The following CNTNAP3 variants were observed in gnomAD, a reference collection of about 807,000 sequenced individuals.
CNTNAP3 encodes the protein contactin-associated protein-like 3.
CNTNAP3 carries 36 observed loss-of-function variants against 92.1 expected under a neutral mutation model. The observed-to-expected ratio is 0.39, with a 90% CI of 0.30 to 0.52. The LOEUF (loss-of-function observed/expected upper bound fraction) is 0.52, where lower values mean the gene tolerates loss of function less well. CNTNAP3 is among the 20% of genes least tolerant of loss of function. The probability of loss-of-function intolerance (pLI) is 0.76; values close to 1 mark genes in which losing one functional copy is unlikely to be tolerated. For synonymous variants in CNTNAP3, 232 were observed against 422.3 expected, an observed-to-expected ratio of 0.55 and a Z score of 5.53; for missense variants, 534 against 1,069.6, an observed-to-expected ratio of 0.50 and a Z score of 6.98.
chr9:39,097,835 G>A (rs1335682069), intron 18 of CNTNAP3, among the ~76,000 whole-genome samples: 1 of 149,516 alleles, frequency 6.7e-6, no homozygotes, highest in African/African-American at 2.5e-5. Context: ...TTCATTTGAT[G>A]TATTTCCTTA....
At chr9:39,101,313 T>C (rs10974140) in intron 17 of CNTNAP3, among the ~76,000 whole-genome samples, 2 of 152,044 alleles carry the variant, frequency 1.3e-5, no homozygotes, top group Non-Finnish European at 1.5e-5. Context: ...TATCTACCCT[T>C]CCCTGTAAAT....
chr9:39,127,105 A>T (rs1212680468), intron 13 of CNTNAP3, among the ~76,000 whole-genome samples: 1 of 152,118 alleles, frequency 6.6e-6, no homozygotes, highest in Non-Finnish European at 1.5e-5. Flanking sequence ...TACCAGAAAG[A>T]GAAAAAGAAA....
chr9:39,102,970 A>G (rs1329056509), intron 16 of CNTNAP3, among the ~76,000 whole-genome samples: 3 of 151,994 alleles, frequency 2.0e-5, no homozygotes, highest in African/African-American at 2.4e-5. Context: ...ATATGTACCC[A>G]TAGCTGGACT....
chr9:39,111,662 A>G (rs923665088), intron 14 of CNTNAP3, among the ~76,000 whole-genome samples: 28 of 152,176 alleles, frequency 1.8e-4, no homozygotes, highest in Non-Finnish European at 3.7e-4. Flanking sequence ...TGTGATCATC[A>G]TTTTAGCAAG....
At chr9:39,132,878 G>A (rs1158063144) in intron 13 of CNTNAP3, 54 bp downstream of exon 13, 6 of 1,495,684 alleles carry the variant, frequency 4.0e-6, no homozygotes, top group Middle Eastern at 2.4e-4. Context: ...CTCGCAGCCC[G>A]AGGGCCGCGC....
Position 39,105,670 on chromosome 9 carries a change from C to T in CNTNAP3, c.2366-1756G>A, listed in dbSNP as rs543567437. Among the ~76,000 whole-genome samples the T allele has an allele frequency of 1.7e-3, 264 of 152,150 alleles. 1 individual carries two copies. The highest frequency in any genetic ancestry group is 2.8e-3 in the Non-Finnish European group (190 of 67,996). On this transcript the variant is annotated intron_variant, in intron 15 of 23. Coordinates refer to ENST00000297668, the MANE Select transcript of CNTNAP3 (RefSeq NM_033655.5). ...CTTTGTCATAACAAAATGATCCAGG[C>T]TCATCTTACATTTTCTCTGCCACAT...
chr9:39,140,947 G>C (rs1228427236), intron 11 of CNTNAP3, among the ~76,000 whole-genome samples: 1 of 152,164 alleles, frequency 6.6e-6, no homozygotes, highest in Non-Finnish European at 1.5e-5. Flanking sequence ...GATTGTGTTG[G>C]TGTTCAAACA....
intron 17 of CNTNAP3, 137 bp from the exon 18 acceptor site, chr9:39,100,287 T>C (rs1357914570): frequency 6.4e-7 from 1 of 1,560,380 alleles, no homozygotes; most frequent in South Asian, 1.2e-5. Flanking sequence ...ATACACAATT[T>C]TGAAAATGTA....
intron 9 of CNTNAP3, among the ~76,000 whole-genome samples, chr9:39,162,683 G>C (rs1382135475): frequency 7.9e-6 from 1 of 127,220 alleles, no homozygotes; most frequent in Non-Finnish European, 1.6e-5. Flanking sequence ...GATGGAGCTG[G>C]AGGCCATTAT....
chr9:39,125,827 A>T (rs1338736031), intron 13 of CNTNAP3, among the ~76,000 whole-genome samples: 1 of 152,142 alleles, frequency 6.6e-6, no homozygotes, highest in Non-Finnish European at 1.5e-5. Context: ...GAGTCAAAAT[A>T]TATTAGGGGG....
At chr9:39,096,537 A>G (rs374882381) in intron 18 of CNTNAP3, among the ~76,000 whole-genome samples, 2 of 151,702 alleles carry the variant, frequency 1.3e-5, no homozygotes, top group African/African-American at 2.4e-5. Context: ...TTAAACATTT[A>G]TCATTTCTTT....
At chr9:39,076,712 T>G (rs1029907395) in intron 23 of CNTNAP3, among the ~76,000 whole-genome samples, 2 of 152,308 alleles carry the variant, frequency 1.3e-5, no homozygotes, top group African/African-American at 4.8e-5. Flanking sequence ...CTCATGCCTG[T>G]AATCCTAGCA....
intron 17 of CNTNAP3, among the ~76,000 whole-genome samples, chr9:39,101,444 T>C (rs1398958430): frequency 2.0e-5 from 3 of 146,426 alleles, no homozygotes; most frequent in African/African-American, 5.0e-5. Context: ...TAAGTTAGAA[T>C]AGTTTCAAAA....
intron 18 of CNTNAP3, among the ~76,000 whole-genome samples, chr9:39,095,214 T>A (rs932129837): frequency 1.8e-4 from 28 of 151,778 alleles, no homozygotes; most frequent in Non-Finnish European, 3.1e-4. Flanking sequence ...AATTTATTTA[T>A]TTTCTCTTAA....
At position 39,132,863 on chromosome 9, in the gene CNTNAP3, C is replaced by G. The variant is rs551040562; in HGVS notation, c.2080+69G>C. 3.1e-4 allele frequency: 453 copies of G among 1,472,188 alleles called. 2 individuals carry two copies. In the African/African-American group the frequency reaches 5.2e-3, roughly 17 times the overall value. The allele number at this position is 1,472,188 out of a possible 1,614,324, so 91.2% of individuals were successfully genotyped here. ...GGACCCTGGCCTTTTCTCCCTCAAA[C>G]GCATCTCGCAGCCCGAGGGCCGCGC... On this transcript the variant is annotated intron_variant, in intron 13 of 23. Transcript: ENST00000297668.
chr9:39,074,854 C>T (rs1420763536), intron 23 of CNTNAP3, among the ~76,000 whole-genome samples: 16 of 152,228 alleles, frequency 1.1e-4, no homozygotes, highest in Admixed American at 2.6e-4. Context: ...CTGCAAGCTC[C>T]GCCTCCCAGG....
chr9:39,107,581 C>G (rs12345880), intron 15 of CNTNAP3, among the ~76,000 whole-genome samples: 17,406 of 151,798 alleles, frequency 0.11, 1,022 homozygotes, highest in Admixed American at 0.16. Context: ...AAATCAAAGA[C>G]CCAAACAAAA....
chr9:39,140,768 A>G (rs1821556313), intron 11 of CNTNAP3, 130 bp from the exon 12 acceptor site: 1 of 1,301,950 alleles, frequency 7.7e-7, no homozygotes, highest in African/African-American at 1.5e-5. Flanking sequence ...ATAGTGTATG[A>G]CAGTATATTT....
intron 10 of CNTNAP3, among the ~76,000 whole-genome samples, chr9:39,149,526 T>TG (rs904468113): frequency 6.0e-5 from 9 of 151,178 alleles, no homozygotes; most frequent in African/African-American, 1.9e-4. Context: ...ATTTTTTTTT[T>TG]TTTGTATTTT....
Sources: allele counts gnomAD v4.1 joint callset (sites outside exome capture counted in the v4.1 genomes callset), GRCh38; gene constraint gnomAD v4.1.1; transcripts MANE v1.5; gene names NCBI Gene and HGNC (gene_info 2026-07-23, HGNC 2026-07-21).